IMMP2L: variants seen among roughly 807,000 people sequenced by gnomAD.
IMMP2L encodes the protein inner mitochondrial membrane peptidase subunit 2.
IMMP2L carries 18 observed loss-of-function variants against 19.3 expected under a neutral mutation model. The observed-to-expected ratio is 0.93, with a 90% CI of 0.64 to 1.38. IMMP2L has a LOEUF of 1.38. Ranked by LOEUF, IMMP2L falls within the 40% of genes most tolerant of loss-of-function variation. IMMP2L has a pLI of 0.00. For synonymous variants in IMMP2L, 76 were observed against 73.0 expected, an observed-to-expected ratio of 1.04 and a Z score of -0.21; for missense variants, 233 against 218.2, an observed-to-expected ratio of 1.07 and a Z score of -0.43.
At chr7:111,454,888 C>A (rs1380898815) in intron 3 of IMMP2L, among the ~76,000 whole-genome samples, 2 of 151,992 alleles carry the variant, frequency 1.3e-5, no homozygotes, top group Non-Finnish European at 2.9e-5. Context: ...ATCAGGTAAT[C>A]ATCTTTCTAG....
chr7:111,230,112 T>C (rs1340862205), intron 3 of IMMP2L, among the ~76,000 whole-genome samples: 2 of 151,738 alleles, frequency 1.3e-5, no homozygotes, highest in Admixed American at 6.6e-5. Flanking sequence ...CAATAATGAG[T>C]TGCTGGGGTG....
intron 5 of IMMP2L, among the ~76,000 whole-genome samples, chr7:110,741,858 G>A (rs927448003): frequency 6.6e-6 from 1 of 152,116 alleles, no homozygotes; most frequent in Non-Finnish European, 1.5e-5. Flanking sequence ...GGATTGTAAT[G>A]TATAAATCAA....
At chr7:111,261,188 A>T (rs1392215478) in intron 3 of IMMP2L, among the ~76,000 whole-genome samples, 1 of 152,144 alleles carries the variant, frequency 6.6e-6, no homozygotes, top group Non-Finnish European at 1.5e-5. Context: ...TAAGTATAGG[A>T]TAAAGATGAA....
chr7:110,812,029 C>G (rs191072475), intron 5 of IMMP2L, among the ~76,000 whole-genome samples: 1 of 152,082 alleles, frequency 6.6e-6, no homozygotes, highest in Admixed American at 6.6e-5. Context: ...CATATGTACT[C>G]GTCCAACCTT....
At chr7:111,271,484 A>G (rs1171951134) in intron 3 of IMMP2L, among the ~76,000 whole-genome samples, 9 of 152,164 alleles carry the variant, frequency 5.9e-5, no homozygotes, top group Admixed American at 5.9e-4. Context: ...AGTGGTTCTC[A>G]AGCTTCAGTG....
At chr7:110,949,787 G>C (rs78977807) in intron 4 of IMMP2L, among the ~76,000 whole-genome samples, 1 of 151,952 alleles carries the variant, frequency 6.6e-6, no homozygotes, top group African/African-American at 2.4e-5. Flanking sequence ...CCAACACGTC[G>C]CAATATGCAG....
chr7:111,042,255 C>T (rs1024015526), intron 3 of IMMP2L, among the ~76,000 whole-genome samples: 2 of 152,178 alleles, frequency 1.3e-5, no homozygotes, highest in African/African-American at 4.8e-5. Context: ...TCCGGGCTCA[C>T]TGAAACCTCT....
chr7:111,483,257 T>C (rs1842346450), intron 3 of IMMP2L, among the ~76,000 whole-genome samples: 5 of 152,192 alleles, frequency 3.3e-5, no homozygotes, highest in Admixed American at 3.3e-4. Flanking sequence ...TAGGACTTTA[T>C]TATGAAAGAA....
intron 5 of IMMP2L, among the ~76,000 whole-genome samples, chr7:110,872,518 G>A (rs1022923088): frequency 2.6e-5 from 4 of 152,002 alleles, no homozygotes; most frequent in African/African-American, 9.7e-5. Flanking sequence ...TCCCTGTACT[G>A]GCATCAACAA....
intron 5 of IMMP2L, among the ~76,000 whole-genome samples, chr7:110,840,097 G>A (rs754178449): frequency 1.3e-5 from 2 of 152,144 alleles, no homozygotes; most frequent in Non-Finnish European, 2.9e-5. Flanking sequence ...TTTGGCAGAA[G>A]TCCAGGTTCC....
At chr7:111,532,307 GC>G (rs1226599754) in intron 1 of IMMP2L, among the ~76,000 whole-genome samples, 1 of 152,000 alleles carries the variant, frequency 6.6e-6, no homozygotes, top group Non-Finnish European at 1.5e-5. Flanking sequence ...TTACACTGCA[GC>G]CCTACTTCGG....
chr7:111,158,789 G>A lies in IMMP2L; in HGVS notation c.240-195224C>T, dbSNP rs375509831. Among the ~76,000 whole-genome samples the A allele has an allele frequency of 3.9e-4, 59 of 152,168 alleles. 1 individual carries two copies. In the South Asian group the frequency reaches 0.011, roughly 29 times the overall value. ...GAAGAACAAATAATTTGTTCTGTGA[G>A]TAATATCTAAGTTTCCATTCCAAAC... On this transcript the variant is annotated intron_variant, in intron 3 of 5. Coordinates refer to ENST00000405709, the MANE Select transcript of IMMP2L (RefSeq NM_032549.4).
At chr7:111,489,306 G>A (rs1047795125) in intron 2 of IMMP2L, among the ~76,000 whole-genome samples, 1 of 152,032 alleles carries the variant, frequency 6.6e-6, no homozygotes, top group Non-Finnish European at 1.5e-5. Context: ...GCCTCCCAAA[G>A]TGCTGGGATT....
intron 3 of IMMP2L, among the ~76,000 whole-genome samples, chr7:111,080,517 TATA>T (rs1270445295): frequency 1.3e-5 from 2 of 151,722 alleles, no homozygotes; most frequent in African/African-American, 4.8e-5. Context: ...ATAATGTGTG[TATA>T]ATATATATTA....
intron 3 of IMMP2L, among the ~76,000 whole-genome samples, chr7:111,121,299 T>C (rs560463790): frequency 3.9e-5 from 6 of 152,332 alleles, no homozygotes; most frequent in Admixed American, 1.3e-4. Context: ...TCTCCCATTC[T>C]GTAGGTTGCC....
chr7:111,297,799 C>T (rs1181235208), intron 3 of IMMP2L, among the ~76,000 whole-genome samples: 1 of 151,888 alleles, frequency 6.6e-6, no homozygotes, highest in Non-Finnish European at 1.5e-5. Flanking sequence ...ACAAAAGAAA[C>T]CAGACTCAAA....
At chr7:111,197,940 A>G (rs930895694) in intron 3 of IMMP2L, among the ~76,000 whole-genome samples, 1 of 152,200 alleles carries the variant, frequency 6.6e-6, no homozygotes, top group Non-Finnish European at 1.5e-5. Flanking sequence ...AGTAAGCAAC[A>G]ATAACAAAGA....
intron 3 of IMMP2L, among the ~76,000 whole-genome samples, chr7:111,451,133 A>G (rs1380062451): frequency 6.8e-6 from 1 of 146,666 alleles, no homozygotes; most frequent in South Asian, 2.1e-4. Context: ...TAGTTCAACC[A>G]TTGTGGAAGT....
intron 3 of IMMP2L, among the ~76,000 whole-genome samples, chr7:111,378,214 T>C (rs1830866421): frequency 6.6e-6 from 1 of 152,046 alleles, no homozygotes; most frequent in South Asian, 2.1e-4. Flanking sequence ...ATAATCATCT[T>C]ATACCAGTTG....
Sources: gnomAD v4.1 joint callset for allele counts (sites outside exome capture counted in the v4.1 genomes callset) on GRCh38, gnomAD v4.1.1 for gene constraint, MANE v1.5 for transcripts, NCBI Gene and HGNC (gene_info 2026-07-23, HGNC 2026-07-21) for gene names.